Variants in CADM2 observed in about 807,000 individuals in gnomAD.
CADM2 encodes immunoglobulin superfamily member 4D.
In CADM2, 12 loss-of-function variants were observed where a neutral mutation model predicts 49.8. That is an observed-to-expected ratio of 0.24 (90% CI 0.15 to 0.39). The LOEUF is 0.39. Ranked by LOEUF, CADM2 falls within the 10% of genes least tolerant of loss-of-function variation. CADM2 has a pLI of 1.00. For missense variants in CADM2, 378 were observed against 492.3 expected, an observed-to-expected ratio of 0.77 and a Z score of 2.20; for synonymous variants, 214 against 175.4, an observed-to-expected ratio of 1.22 and a Z score of -1.74.
intron 1 of CADM2, among the ~76,000 whole-genome samples, chr3:85,187,583 C>T (rs751980172): frequency 7.2e-5 from 11 of 152,028 alleles, no homozygotes; most frequent in African/African-American, 1.9e-4. Flanking sequence ...TTATGAACCT[C>T]CTCTGGCCTG....
chr3:85,739,796 AT>A (rs1369531456), intron 2 of CADM2, among the ~76,000 whole-genome samples: 1 of 152,200 alleles, frequency 6.6e-6, no homozygotes, highest in African/African-American at 2.4e-5. Context: ...ATAAGCTATT[AT>A]TGGTAACTTT....
chr3:84,998,559 G>A (rs1431194212), intron 1 of CADM2, among the ~76,000 whole-genome samples: 1 of 152,122 alleles, frequency 6.6e-6, no homozygotes, highest in Non-Finnish European at 1.5e-5. Flanking sequence ...TTTTTTTAAT[G>A]TTGTTTATAA....
At chr3:85,470,631 A>G (rs2038727070) in intron 1 of CADM2, among the ~76,000 whole-genome samples, 2 of 152,194 alleles carry the variant, frequency 1.3e-5, no homozygotes, top group Admixed American at 1.3e-4. Context: ...TTAATTATAT[A>G]CAATAAAAAC....
intron 1 of CADM2, among the ~76,000 whole-genome samples, chr3:85,000,964 CAT>C (rs1250490675): frequency 1.3e-5 from 2 of 152,090 alleles, no homozygotes; most frequent in African/African-American, 4.8e-5. Flanking sequence ...GATTTTGCTA[CAT>C]GTTATAATCA....
At chr3:85,279,070 G>C (rs1406326918) in intron 1 of CADM2, among the ~76,000 whole-genome samples, 1 of 151,232 alleles carries the variant, frequency 6.6e-6, no homozygotes, top group Non-Finnish European at 1.5e-5. Flanking sequence ...TGATTAGTTT[G>C]GGGTTTCAGG....
chr3:86,055,460 T>G (rs911305660), intron 8 of CADM2, among the ~76,000 whole-genome samples: 8 of 121,256 alleles, frequency 6.6e-5, no homozygotes, highest in African/African-American at 2.6e-4. Context: ...TCTTTTTTTT[T>G]TTTTTTTTTT....
intron 1 of CADM2, among the ~76,000 whole-genome samples, chr3:85,345,238 C>T (rs1362419623): frequency 1.1e-4 from 14 of 127,836 alleles, no homozygotes; most frequent in South Asian, 2.6e-4. Flanking sequence ...TGCTTGAACC[C>T]GGGAGGCAGA....
At chr3:85,945,976 A>T (rs1359300035) in intron 7 of CADM2, among the ~76,000 whole-genome samples, 1 of 152,138 alleles carries the variant, frequency 6.6e-6, no homozygotes, top group African/African-American at 2.4e-5. Context: ...TTAGGAAAAG[A>T]GGAAGTCAAA....
intron 1 of CADM2, among the ~76,000 whole-genome samples, chr3:85,563,221 C>A (rs2062149187): frequency 6.6e-6 from 1 of 152,052 alleles, no homozygotes; most frequent in Admixed American, 6.6e-5. Flanking sequence ...CAAATAGCAG[C>A]AAATCTGGCA....
At chr3:85,040,690 A>G (rs887503569) in intron 1 of CADM2, among the ~76,000 whole-genome samples, 6 of 152,240 alleles carry the variant, frequency 3.9e-5, no homozygotes, top group African/African-American at 1.4e-4. Context: ...AGCTAATGGC[A>G]AAAACACAAG....
At position 85,212,799 on chromosome 3, in the gene CADM2, T is replaced by C. The variant is rs542715845; in HGVS notation, c.61+253131T>C. ...GTGAATTTTTTGCCTTCAGATATTT[T>C]CTTCTTTTTCTTCTCTTTCTTTCTT... is the stretch of plus-strand genomic sequence containing the variant. On this transcript the variant is annotated intron_variant, in intron 1 of 9. Coordinates refer to ENST00000383699, the MANE Select transcript of CADM2 (RefSeq NM_001167675.2). 1.1e-4 allele frequency among the ~76,000 whole-genome samples: 16 copies of C among 151,610 alleles called. No individual in the cohort carries two copies. In the South Asian group the frequency reaches 3.3e-3, roughly 32 times the overall value.
At chr3:85,201,334 G>A (rs1216064691) in intron 1 of CADM2, among the ~76,000 whole-genome samples, 1 of 152,124 alleles carries the variant, frequency 6.6e-6, no homozygotes, top group Non-Finnish European at 1.5e-5. Context: ...GTATGTGATA[G>A]CATTATATTA....
intron 1 of CADM2, among the ~76,000 whole-genome samples, chr3:85,044,165 G>C (rs540580749): frequency 1.3e-5 from 2 of 152,228 alleles, no homozygotes; most frequent in South Asian, 4.1e-4. Context: ...AAATGATCCT[G>C]TGCCTATGAC....
At chr3:84,973,474 T>C (rs2031606883) in intron 1 of CADM2, among the ~76,000 whole-genome samples, 1 of 151,756 alleles carries the variant, frequency 6.6e-6, no homozygotes, top group African/African-American at 2.4e-5. Context: ...TGAAAGAACC[T>C]GACAGGTGAA....
At chr3:86,037,637 CAATT>C (rs763280591) in intron 8 of CADM2, among the ~76,000 whole-genome samples, 1 of 151,894 alleles carries the variant, frequency 6.6e-6, no homozygotes, top group Non-Finnish European at 1.5e-5. Context: ...CATGAACAAT[CAATT>C]ATTATAAAGT....
intron 1 of CADM2, among the ~76,000 whole-genome samples, chr3:84,984,749 T>C (rs1644107117): frequency 6.6e-6 from 1 of 152,192 alleles, no homozygotes; most frequent in Non-Finnish European, 1.5e-5. Flanking sequence ...CACTTACTGC[T>C]AGCTACTCCA....
intron 1 of CADM2, among the ~76,000 whole-genome samples, chr3:85,071,561 T>A (rs972384324): frequency 1.3e-5 from 2 of 152,156 alleles, no homozygotes; most frequent in Admixed American, 6.6e-5. Flanking sequence ...TGAGAATTCA[T>A]TTATTAAAAT....
Position 85,379,343 on chromosome 3 carries a change from T to C in CADM2, c.62-347179T>C, listed in dbSNP as rs137995587. ...AAGTGTAATGCTATTTGTTTTAAAC[T>C]GTAGAGTTTAGATGAAGGTAAAAAT... On this transcript the variant is annotated intron_variant, in intron 1 of 9. Transcript: ENST00000383699. 3.2e-4 allele frequency among the ~76,000 whole-genome samples: 49 copies of C among 152,136 alleles called. No homozygotes were observed. The East Asian group carries it at 8.3e-3, about 26-fold the overall frequency.
In CADM2 at chr3:85,810,389, T is replaced by A. The variant is rs373658040; in HGVS notation, c.238+8193T>A. Among the ~76,000 whole-genome samples, 3 of 152,110 alleles carry A rather than the reference T, an allele frequency of 2.0e-5. No homozygotes were observed. In the East Asian group the frequency reaches 5.8e-4, roughly 29 times the overall value. ...AGCATATCATGCATACACAGAGATT[T>A]CTACATACCCAATTTTCAGTTAAGA... On this transcript the variant is annotated intron_variant, in intron 3 of 9. Coordinates refer to ENST00000383699, the MANE Select transcript of CADM2 (RefSeq NM_001167675.2).
Sources: allele counts gnomAD v4.1 joint callset (sites outside exome capture counted in the v4.1 genomes callset), GRCh38; gene constraint gnomAD v4.1.1; transcripts MANE v1.5; gene names NCBI Gene and HGNC (gene_info 2026-07-23, HGNC 2026-07-21).